Variants in SLC37A3 observed in about 807,000 individuals in gnomAD.
SLC37A3 encodes the protein solute carrier family 37 member 3.
In SLC37A3, 51 loss-of-function variants were observed where a neutral mutation model predicts 67.1. The ratio of observed to expected loss-of-function variants is 0.76; its 90% confidence interval spans 0.61 to 0.96. The LOEUF (loss-of-function observed/expected upper bound fraction) is 0.96, where lower values mean the gene tolerates loss of function less well. SLC37A3 is among the 40% of genes least tolerant of loss of function. The pLI is 0.00. For missense variants in SLC37A3, 508 were observed against 603.0 expected (o/e 0.84, Z 1.65); for synonymous variants, 214 against 231.4 (o/e 0.92, Z 0.68).
At chr7:140,360,658 T>TG (rs1797228744) in intron 5 of SLC37A3, among the ~76,000 whole-genome samples, 1 of 149,896 alleles carries the variant, frequency 6.7e-6, no homozygotes, top group African/African-American at 2.5e-5. Context: ...GGCTTGAATC[T>TG]GGGAAGTGGA....
At chr7:140,349,072 T>C (rs1796691999) in intron 9 of SLC37A3, among the ~76,000 whole-genome samples, 1 of 152,204 alleles carries the variant, frequency 6.6e-6, no homozygotes, top group Non-Finnish European at 1.5e-5. Flanking sequence ...AAGCCAGTGT[T>C]TTGAACCTAT....
intron 3 of SLC37A3, among the ~76,000 whole-genome samples, chr7:140,369,968 G>A (rs1267755731): frequency 1.3e-5 from 2 of 152,042 alleles, no homozygotes; most frequent in Non-Finnish European, 2.9e-5. Flanking sequence ...AAATTAGCCA[G>A]GCATGGTGGC....
At chr7:140,365,160 T>C (rs971714505) in intron 4 of SLC37A3, among the ~76,000 whole-genome samples, 1 of 152,194 alleles carries the variant, frequency 6.6e-6, no homozygotes, top group African/African-American at 2.4e-5. Context: ...GTGGCAGGAA[T>C]TAAAATGCTG....
In SLC37A3 at chr7:140,343,487, T is replaced by TCC. The variant is rs771503814; in HGVS notation, c.1250_1251insGG (p.Arg418GlufsTer28). 8.1e-6 allele frequency: 13 copies of TCC among 1,614,062 alleles called. No homozygotes were observed. The East Asian group carries it at 2.9e-4, about 36-fold the overall frequency. Reference sequence around the variant, plus strand: ...CAGTGGCCAAAGCTTCACTGCTCCTTTGGATGAGCTCCTGGCGACCCAAGT... The same window carrying TCC: ...CAGTGGCCAAAGCTTCACTGCTCCTTCCTGGATGAGCTCCTGGCGACCCAAGT... On this transcript the variant is annotated frameshift_variant, in exon 13 of 15. Coordinates refer to ENST00000326232, the MANE Select transcript of SLC37A3 (RefSeq NM_207113.3). LOFTEE classifies it high-confidence loss of function.
chr7:140,348,462 CTTTT>C (rs66700092), intron 10 of SLC37A3, 160 bp downstream of exon 10: 487 of 362,958 alleles, frequency 1.3e-3, no homozygotes, highest in South Asian at 2.0e-3. Flanking sequence ...CTTTTCTTTT[CTTTT>C]TTTTTTTTTT....
intron 1 of SLC37A3, chr7:140,386,643 T>C (rs1439893782): frequency 2.0e-5 from 3 of 152,178 alleles, no homozygotes; most frequent in East Asian, 3.8e-4. Flanking sequence ...AACAAATGTG[T>C]AACATTTTTC....
At chr7:140,389,753 C>T (rs933122829) in intron 1 of SLC37A3, among the ~76,000 whole-genome samples, 24 of 152,168 alleles carry the variant, frequency 1.6e-4, no homozygotes, top group South Asian at 2.1e-4. Context: ...CCTTCTACAA[C>T]GCTGCTTTGG....
intron 1 of SLC37A3, among the ~76,000 whole-genome samples, chr7:140,386,478 C>T (rs1585368610): frequency 1.6e-5 from 1 of 61,842 alleles, no homozygotes; most frequent in African/African-American, 6.1e-5. Flanking sequence ...AATAATAATA[C>T]CTTGCACATG....
chr7:140,388,276 T>A (rs895019502), intron 1 of SLC37A3, among the ~76,000 whole-genome samples: 3 of 150,062 alleles, frequency 2.0e-5, no homozygotes, highest in African/African-American at 7.4e-5. Context: ...CCAGAAAAAA[T>A]ACAAAAAGTA....
chr7:140,345,748 T>C (rs764110216), intron 11 of SLC37A3, 121 bp downstream of exon 11: 19 of 749,312 alleles, frequency 2.5e-5, no homozygotes, highest in African/African-American at 5.2e-5. Context: ...AAAGGTGGCA[T>C]ATCGGGCCTT....
intron 13 of SLC37A3, among the ~76,000 whole-genome samples, chr7:140,343,118 A>G (rs540789370): frequency 6.6e-6 from 1 of 152,344 alleles, no homozygotes; most frequent in Admixed American, 6.5e-5. Context: ...CTGGAAAGAA[A>G]GAAGGGGATG....
Position 140,358,667 on chromosome 7 carries a change from A to G in SLC37A3, c.494T>C (p.Val165Ala), listed in dbSNP as rs1797134429. The change falls in exon 6 of 15, where the codon GTT becomes GCT. Residue 165 changes from valine to alanine, a missense_variant. Transcript: ENST00000326232. ...GGCTTTCCCAAACCAGTTGCCCATA[A>G]CAGCAACCACACAGGGCCAACCAGT... Reference protein sequence around the residue: ...QSTGWPCVVAVMGNWFGKAGR... With the variant: ...QSTGWPCVVAAMGNWFGKAGR... 1 of 1,614,084 alleles carries G rather than the reference A, an allele frequency of 6.2e-7. No individual in the cohort carries two copies. Among genetic ancestry groups the G allele is most frequent in the African/African-American group, 1.3e-5 (1 of 74,930 alleles).
Position 140,335,216 on chromosome 7 carries a change from A to C in SLC37A3, c.*196T>G. 1 of 1,599,820 alleles carries C rather than the reference A, an allele frequency of 6.3e-7. No homozygotes were observed. Among genetic ancestry groups the C allele is most frequent in the Admixed American group, 1.7e-5 (1 of 58,794 alleles). On this transcript the variant is annotated 3_prime_UTR_variant, in exon 15 of 15. Coordinates refer to ENST00000326232, the MANE Select transcript of SLC37A3 (RefSeq NM_207113.3). The stretch of plus-strand genomic sequence containing the variant: ...CATGAAACAACAGCAAAAATCATCA[A>C]CAGTAATTCCTGTAGTGTAGAAAAC...
chr7:140,355,741 C>G lies in SLC37A3; in HGVS notation c.545G>C (p.Trp182Ser), dbSNP rs1161267361. The G allele has an allele frequency of 1.3e-5, 21 of 1,613,846 alleles. No individual in the cohort carries two copies. The highest frequency in any genetic ancestry group is 1.5e-5 in the Non-Finnish European group (18 of 1,179,876). ...KAGRGVVFGL[W>S]SACASVGNIL... ...GTTGCCCACCGAAGCACAGGCACTCCAGAGACCAAAAACAACTCCTCGTCT... is the reference window on the plus strand; with the variant it reads ...GTTGCCCACCGAAGCACAGGCACTCGAGAGACCAAAAACAACTCCTCGTCT... The change falls in exon 7 of 15, where the codon TGG becomes TCG. Residue 182 changes from tryptophan (W) to serine (S), a missense_variant. Coordinates refer to ENST00000326232, the MANE Select transcript of SLC37A3 (RefSeq NM_207113.3).
At chr7:140,371,263 C>T (rs970682750) in intron 3 of SLC37A3, among the ~76,000 whole-genome samples, 1 of 152,224 alleles carries the variant, frequency 6.6e-6, no homozygotes, top group Non-Finnish European at 1.5e-5. Context: ...GCAACCCCCA[C>T]CTCCTGGGTG....
Position 140,335,470 on chromosome 7 carries a change from A to G in SLC37A3, c.1427T>C (p.Ile476Thr), listed in dbSNP as rs1270128291. The change falls in exon 15 of 15, where the codon ATA (isoleucine) becomes ACA (threonine). Residue 476 changes from isoleucine to threonine, a missense_variant. Transcript: ENST00000326232. ...SCTIVFISPL[I>T]VREIFSLVLR... ...CACGAGAGAGAATATTTCCCTCACT[A>G]TTAATGGCGAGATAAACACAATTGT... The G allele has an allele frequency of 6.2e-7, 1 of 1,614,050 alleles. No homozygotes were observed. The highest frequency in any genetic ancestry group is 1.3e-5 in the African/African-American group (1 of 74,918).
intron 5 of SLC37A3, among the ~76,000 whole-genome samples, chr7:140,361,760 CG>C (rs1201130906): frequency 6.9e-6 from 1 of 144,270 alleles, no homozygotes; most frequent in Non-Finnish European, 1.5e-5. Flanking sequence ...CTGTGTCGGC[CG>C]GGCTGGTCTC....
intron 1 of SLC37A3, among the ~76,000 whole-genome samples, chr7:140,385,012 A>C (rs1302830295): frequency 6.6e-6 from 1 of 152,212 alleles, no homozygotes; most frequent in African/African-American, 2.4e-5. Flanking sequence ...AACAAAGTTG[A>C]GGTGGTTACA....
chr7:140,395,532 AC>A (rs1377196001), intron 1 of SLC37A3, among the ~76,000 whole-genome samples: 2 of 151,012 alleles, frequency 1.3e-5, no homozygotes, highest in East Asian at 3.9e-4. Flanking sequence ...ATATGGCGAA[AC>A]CCTGTCTCTA....
Sources: gnomAD v4.1 joint callset for allele counts (sites outside exome capture counted in the v4.1 genomes callset) on GRCh38, gnomAD v4.1.1 for gene constraint, MANE v1.5 for transcripts, NCBI Gene and HGNC (gene_info 2026-07-23, HGNC 2026-07-21) for gene names.